TAFA1: variants seen among roughly 807,000 people sequenced by gnomAD.
The protein encoded by TAFA1 is TAFA chemokine like family member 1, also known as chemokine-like protein TAFA-1.
Under a neutral mutation model 18.5 loss-of-function variants are expected in TAFA1, and 4 were observed. The ratio of observed to expected loss-of-function variants is 0.22; its 90% CI spans 0.11 to 0.49. The LOEUF is 0.49. Ranked by LOEUF, TAFA1 falls within the 20% of genes least tolerant of loss-of-function variation. The pLI, the probability that TAFA1 is intolerant of heterozygous loss-of-function variation, is 0.98. For missense variants in TAFA1, 147 were observed against 169.0 expected, an observed-to-expected ratio of 0.87 and a Z score of 0.72; for synonymous variants, 56 against 55.2, an observed-to-expected ratio of 1.01 and a Z score of -0.06.
At chr3:67,999,055 A>T in the TAFA1 span, among the ~76,000 whole-genome samples, 1 of 152,174 alleles carries the variant, frequency 6.6e-6, no homozygotes, top group Non-Finnish European at 1.5e-5. Context: ...TGGCTGGTGT[A>T]TTCTAGAACT....
At chr3:68,041,276 G>A (rs558359897) in intron 2 of TAFA1, among the ~76,000 whole-genome samples, 1 of 152,272 alleles carries the variant, frequency 6.6e-6, no homozygotes, top group African/African-American at 2.4e-5. Context: ...CATGTAAAAT[G>A]ACCTGATTAA....
intron 3 of TAFA1, among the ~76,000 whole-genome samples, chr3:68,450,075 C>T (rs1453593291): frequency 1.3e-5 from 2 of 151,992 alleles, no homozygotes; most frequent in African/African-American, 4.8e-5. Flanking sequence ...ATGATCCACA[C>T]AAGGAATGAT....
At chr3:68,444,892 C>G (rs1245781143) in intron 3 of TAFA1, among the ~76,000 whole-genome samples, 2 of 150,970 alleles carry the variant, frequency 1.3e-5, no homozygotes, top group South Asian at 4.2e-4. Flanking sequence ...ATCTCAAGCA[C>G]TTCTCTATTC....
At chr3:68,289,051 T>C (rs2068066055) in intron 2 of TAFA1, among the ~76,000 whole-genome samples, 1 of 152,188 alleles carries the variant, frequency 6.6e-6, no homozygotes, top group Non-Finnish European at 1.5e-5. Flanking sequence ...ATATCATAAA[T>C]GTACAGCTCA....
chr3:68,003,391 C>T (rs988426299), upstream of TAFA1, among the ~76,000 whole-genome samples: 2 of 152,132 alleles, frequency 1.3e-5, no homozygotes, highest in African/African-American at 4.8e-5. Context: ...ATTTTGAAAA[C>T]ACCATAAAAG....
At chr3:68,339,248 A>G (rs931289120) in intron 2 of TAFA1, among the ~76,000 whole-genome samples, 1 of 152,214 alleles carries the variant, frequency 6.6e-6, no homozygotes, top group African/African-American at 2.4e-5. Context: ...TGAGTGTGGC[A>G]TTAAAAGAAC....
At chr3:68,448,612 T>A (rs1033431782) in intron 3 of TAFA1, among the ~76,000 whole-genome samples, 1 of 152,180 alleles carries the variant, frequency 6.6e-6, no homozygotes. Context: ...AGGTGATTTT[T>A]TTTTTTTTCT....
intron 2 of TAFA1, among the ~76,000 whole-genome samples, chr3:68,077,624 T>C (rs1474565463): frequency 6.6e-6 from 1 of 152,024 alleles, no homozygotes; most frequent in South Asian, 2.1e-4. Context: ...GTTGTAGATA[T>C]GTGGCGTTAT....
intron 2 of TAFA1, among the ~76,000 whole-genome samples, chr3:68,096,330 T>C (rs142282115): frequency 2.0e-5 from 3 of 152,250 alleles, no homozygotes; most frequent in East Asian, 3.9e-4. Context: ...CATTCATCCA[T>C]TGGTGGACAC....
At chr3:68,533,833 G>T (rs748293845) in intron 3 of TAFA1, among the ~76,000 whole-genome samples, 1 of 152,008 alleles carries the variant, frequency 6.6e-6, no homozygotes, top group African/African-American at 2.4e-5. Flanking sequence ...GACTCAGTTC[G>T]CAAGCTTTAC....
At chr3:68,376,582 G>A (rs1365452130) in intron 2 of TAFA1, among the ~76,000 whole-genome samples, 2 of 152,100 alleles carry the variant, frequency 1.3e-5, no homozygotes, top group Non-Finnish European at 2.9e-5. Context: ...CAAAGGACAG[G>A]ATCTCATTCT....
intron 2 of TAFA1, among the ~76,000 whole-genome samples, chr3:68,047,279 A>G (rs958057911): frequency 5.9e-5 from 9 of 152,186 alleles, no homozygotes; most frequent in African/African-American, 2.2e-4. Context: ...AGATGTTGAC[A>G]TAGACCCACA....
Position 68,444,278 on chromosome 3 carries a change from G to A in TAFA1, c.259+26858G>A, listed in dbSNP as rs2071435813. Among the ~76,000 whole-genome samples the A allele has an allele frequency of 2.6e-5, 4 of 152,218 alleles. No homozygotes were observed. The South Asian group carries it at 8.3e-4, about 32-fold the overall frequency. ...CTTTTGGGTAAAATAGTTCTCTCAA[G>A]TACTCAGACAGTCCCTAGTCTTTCT... On this transcript the variant is annotated intron_variant, in intron 3 of 4. Transcript: ENST00000478136.
At chr3:68,132,962 T>C (rs1425711426) in intron 2 of TAFA1, among the ~76,000 whole-genome samples, 1 of 152,190 alleles carries the variant, frequency 6.6e-6, no homozygotes, top group Non-Finnish European at 1.5e-5. Flanking sequence ...TCCTGAATGG[T>C]ATTGCCTAGG....
intron 2 of TAFA1, among the ~76,000 whole-genome samples, chr3:68,063,516 T>C (rs1330440187): frequency 6.6e-6 from 1 of 152,204 alleles, no homozygotes; most frequent in Non-Finnish European, 1.5e-5. Flanking sequence ...ATAATTATAA[T>C]GTAAAATTTA....
chr3:68,466,889 C>T (rs536201944), intron 3 of TAFA1, among the ~76,000 whole-genome samples: 2 of 152,164 alleles, frequency 1.3e-5, no homozygotes, highest in Admixed American at 6.5e-5. Flanking sequence ...GGGGAGACAT[C>T]GCATGTCGGC....
At chr3:68,146,348 C>T (rs2065740988) in intron 2 of TAFA1, among the ~76,000 whole-genome samples, 1 of 152,256 alleles carries the variant, frequency 6.6e-6, no homozygotes, top group Non-Finnish European at 1.5e-5. Flanking sequence ...TCTCATCTAT[C>T]TTTAGATGCC....
chr3:68,006,786 AC>A, intron 2 of TAFA1, 42 bp downstream of exon 2: 1 of 1,348,992 alleles, frequency 7.4e-7, no homozygotes, highest in Non-Finnish European at 1.1e-6. Context: ...CTCCAGTCTT[AC>A]CACTATTTCC....
intron 2 of TAFA1, among the ~76,000 whole-genome samples, chr3:68,350,734 A>G (rs1329958779): frequency 6.6e-6 from 1 of 152,090 alleles, no homozygotes; most frequent in Non-Finnish European, 1.5e-5. Flanking sequence ...ACAATTAAGC[A>G]TTGATGAAGA....
Sources: allele counts gnomAD v4.1 joint callset (sites outside exome capture counted in the v4.1 genomes callset), GRCh38; gene constraint gnomAD v4.1.1; transcripts MANE v1.5; gene names NCBI Gene and HGNC (gene_info 2026-07-23, HGNC 2026-07-21).